FBN2: variants seen among roughly 807,000 people sequenced by gnomAD.
The protein encoded by FBN2 is fibrillin 2.
A neutral mutation model predicts 355.6 loss-of-function variants in FBN2; 105 were observed. The observed-to-expected ratio is 0.30, with a 90% CI of 0.25 to 0.35. FBN2 has a LOEUF of 0.35. FBN2 is among the 10% of genes least tolerant of loss of function. The pLI is 1.00. For missense variants in FBN2, 3,280 were observed against 3,758.7 expected (o/e 0.87, Z 3.33); for synonymous variants, 1,350 against 1,301.2 (o/e 1.04, Z -0.81).
chr5:128,336,225 G>C, intron 27 of FBN2, 112 bp from the exon 28 acceptor site: 2 of 1,017,786 alleles, frequency 2.0e-6, no homozygotes. Flanking sequence ...ACTTCACGAG[G>C]AAGTAAAATG....
At chr5:128,336,138 G>A (rs1234784908) in intron 27 of FBN2, 25 bp from the exon 28 acceptor site, 3 of 1,610,118 alleles carry the variant, frequency 1.9e-6, no homozygotes, top group South Asian at 2.2e-5. Context: ...CAGAAGTAAT[G>A]CTTTACACAA....
intron 5 of FBN2, among the ~76,000 whole-genome samples, chr5:128,507,141 A>G (rs1755984314): frequency 6.6e-6 from 1 of 152,122 alleles, no homozygotes; most frequent in Admixed American, 6.5e-5. Context: ...ATCTACATAG[A>G]ATTGGTATTT....
chr5:128,502,322 T>C (rs1326684576), intron 5 of FBN2, among the ~76,000 whole-genome samples: 3 of 151,920 alleles, frequency 2.0e-5, no homozygotes, highest in African/African-American at 7.2e-5. Flanking sequence ...TAAAAACTCT[T>C]TGAGCATCCA....
chr5:128,480,423 C>A (rs551123612), intron 5 of FBN2, among the ~76,000 whole-genome samples: 40 of 152,154 alleles, frequency 2.6e-4, no homozygotes, highest in African/African-American at 9.2e-4. Context: ...CTTGAATAGG[C>A]TAAGTCAGTT....
At chr5:128,337,827 C>T (rs182963178) in intron 27 of FBN2, among the ~76,000 whole-genome samples, 170 bp downstream of exon 27, 50 of 152,284 alleles carry the variant, frequency 3.3e-4, no homozygotes, top group African/African-American at 1.2e-3. Context: ...GAGTGTGTCA[C>T]CCAAGCATCC....
At chr5:128,318,775 T>G in intron 35 of FBN2, 104 bp downstream of exon 35, 1 of 1,202,066 alleles carries the variant, frequency 8.3e-7, no homozygotes. Context: ...ATGTGTAACC[T>G]AATGCATAGA....
chr5:128,465,129 T>C (rs376587841), intron 5 of FBN2, among the ~76,000 whole-genome samples: 5 of 152,212 alleles, frequency 3.3e-5, no homozygotes, highest in East Asian at 1.9e-4. Context: ...CTAGACACTG[T>C]AAATGGGTGG....
intron 5 of FBN2, among the ~76,000 whole-genome samples, chr5:128,493,780 A>T (rs1755574403): frequency 6.6e-6 from 1 of 152,186 alleles, no homozygotes; most frequent in Non-Finnish European, 1.5e-5. Context: ...CATCATACTG[A>T]AGAGGAGGGT....
At chr5:128,458,150 A>G (rs1175415856) in intron 6 of FBN2, among the ~76,000 whole-genome samples, 2 of 152,158 alleles carry the variant, frequency 1.3e-5, no homozygotes, top group Middle Eastern at 3.2e-3. Context: ...GAAAGCAAAA[A>G]AATGCAGGGG....
At chr5:128,264,855 A>AGCTCACTGAGAT (rs1765079777) in intron 62 of FBN2, among the ~76,000 whole-genome samples, 1 of 152,064 alleles carries the variant, frequency 6.6e-6, no homozygotes, top group Admixed American at 6.6e-5. Flanking sequence ...GAAGATGCAC[A>AGCTCACTGAGAT]TGGGCTCTCA....
chr5:128,260,395 T>C (rs962896181), intron 64 of FBN2, among the ~76,000 whole-genome samples: 22 of 152,308 alleles, frequency 1.4e-4, no homozygotes, highest in African/African-American at 5.3e-4. Flanking sequence ...CCAGCATCTT[T>C]GGTAAAAGCC....
At chr5:128,475,235 A>C (rs1399128057) in intron 5 of FBN2, among the ~76,000 whole-genome samples, 1 of 152,206 alleles carries the variant, frequency 6.6e-6, no homozygotes, top group Non-Finnish European at 1.5e-5. Flanking sequence ...TGCTTTGCAA[A>C]ATAAAAATGA....
chr5:128,368,301 C>T (rs1483774846), intron 16 of FBN2, among the ~76,000 whole-genome samples: 1 of 151,484 alleles, frequency 6.6e-6, no homozygotes, highest in African/African-American at 2.4e-5. Context: ...TATGAACAGA[C>T]AAGAGTCAAT....
intron 5 of FBN2, among the ~76,000 whole-genome samples, chr5:128,504,397 G>A (rs921685786): frequency 1.3e-5 from 2 of 152,138 alleles, no homozygotes; most frequent in African/African-American, 4.8e-5. Context: ...AAAGCCACAG[G>A]CACTCAACAC....
chr5:128,291,729 C>A, intron 48 of FBN2, 75 bp from the exon 49 acceptor site: 1 of 1,301,472 alleles, frequency 7.7e-7, no homozygotes, highest in Non-Finnish European at 1.1e-6. Context: ...TCACTGTCCA[C>A]TAGCCAGCTG....
chr5:128,485,065 C>T (rs1755299997), intron 5 of FBN2, among the ~76,000 whole-genome samples: 1 of 151,856 alleles, frequency 6.6e-6, no homozygotes, highest in Admixed American at 6.6e-5. Context: ...GCTCTGTTGC[C>T]TAGGCCTGAG....
At chr5:128,310,390 ATATATATATATAT>A (rs1269796997) in intron 39 of FBN2, among the ~76,000 whole-genome samples, 7 of 30,024 alleles carry the variant, frequency 2.3e-4, no homozygotes, top group Non-Finnish European at 3.3e-4. Flanking sequence ...ATATATATAT[ATATATATATATAT>A]TTTTTTTTTT....
rs1435288732 is a variant in FBN2, at chr5:128,537,415, A to G, written c.189T>C (p.Tyr63=). ...GSEGGFLAPE[Y]REEGAAVASR... is the part of the protein sequence containing the mutation. ...TGGCCACTGCGGCACCCTCCTCGCG[A>G]TACTCGGGCGCTAGAAACCCGCCTT... Residue 63 remains tyrosine (Y), a synonymous_variant, in exon 1 of 65, where the codon TAT becomes TAC. Transcript: ENST00000262464. The G allele has an allele frequency of 1.2e-6, 2 of 1,610,012 alleles. No individual in the cohort carries two copies. Among genetic ancestry groups the G allele is most frequent in the Non-Finnish European group, 1.7e-6 (2 of 1,179,372 alleles).
chr5:128,350,912 G>T lies in FBN2; in HGVS notation c.2768C>A (p.Thr923Asn). Reference protein sequence around the residue: ...GATLKSECCATLGAAWGSPCE... With the variant: ...GATLKSECCANLGAAWGSPCE... ...GGGGCTCCCCCAGGCGGCTCCGAGG[G>T]TGGCACAGCATTCAGATTTCAGAGT... Residue 923 changes from threonine to asparagine, a missense_variant, in exon 21 of 65, where the codon ACC (threonine) becomes AAC (asparagine). Coordinates refer to ENST00000262464, the MANE Select transcript of FBN2 (RefSeq NM_001999.4). 6.2e-7 allele frequency: 1 copy of T among 1,614,146 alleles called. No homozygotes were observed. Among genetic ancestry groups the T allele is most frequent in the South Asian group, 1.1e-5 (1 of 91,078 alleles).
Sources: allele counts gnomAD v4.1 joint callset (sites outside exome capture counted in the v4.1 genomes callset), GRCh38; gene constraint gnomAD v4.1.1; transcripts MANE v1.5; gene names NCBI Gene and HGNC (gene_info 2026-07-23, HGNC 2026-07-21).